Variants in UST observed in about 807,000 individuals in gnomAD.
UST encodes the protein uronyl 2-sulfotransferase.
Under a neutral mutation model 45.6 loss-of-function variants are expected in UST, and 21 were observed. The ratio of observed to expected loss-of-function variants is 0.46; its 90% CI spans 0.33 to 0.66. The LOEUF (loss-of-function observed/expected upper bound fraction) is 0.66. Among genes scored for constraint, UST ranks in the 30% least tolerant of loss-of-function variants. The pLI, the probability that UST is intolerant of heterozygous loss-of-function variation, is 0.02. For synonymous variants in UST, 215 were observed against 200.6 expected (o/e 1.07, Z -0.61); for missense variants, 463 against 512.4 (o/e 0.90, Z 0.93).
At chr6:149,046,289 T>G (rs575909967) in intron 7 of UST, among the ~76,000 whole-genome samples, 60 of 152,282 alleles carry the variant, frequency 3.9e-4, no homozygotes, top group African/African-American at 1.3e-3. Flanking sequence ...ACAATTAGTG[T>G]TATAAGTTGG....
chr6:148,914,936 C>T (rs1050011961), intron 2 of UST, among the ~76,000 whole-genome samples: 7 of 151,144 alleles, frequency 4.6e-5, no homozygotes, highest in Admixed American at 3.3e-4. Flanking sequence ...TCTCACAGTT[C>T]TGGAGGGTGG....
intron 1 of UST, among the ~76,000 whole-genome samples, chr6:148,822,585 T>C (rs1027983689): frequency 6.6e-6 from 1 of 152,194 alleles, no homozygotes; most frequent in African/African-American, 2.4e-5. Flanking sequence ...CCAAGCCCCA[T>C]GCATTGTCTC....
At chr6:148,990,051 C>A (rs1212417265) in intron 5 of UST, among the ~76,000 whole-genome samples, 1 of 152,142 alleles carries the variant, frequency 6.6e-6, no homozygotes, top group East Asian at 1.9e-4. Flanking sequence ...CTTTTGCTTC[C>A]TTTGTTCTTT....
chr6:148,981,775 T>C (rs898079703), intron 5 of UST, among the ~76,000 whole-genome samples: 14 of 152,250 alleles, frequency 9.2e-5, no homozygotes, highest in Non-Finnish European at 1.9e-4. Context: ...ATATCTGTAT[T>C]TCCTGTGCAA....
intron 2 of UST, among the ~76,000 whole-genome samples, chr6:148,911,332 A>T (rs560881239): frequency 1.1e-4 from 16 of 152,194 alleles, no homozygotes; most frequent in African/African-American, 3.9e-4. Flanking sequence ...CTCCCAGAAC[A>T]TTATCTGCGA....
intron 5 of UST, among the ~76,000 whole-genome samples, chr6:148,983,372 A>C (rs1008965507): frequency 1.3e-5 from 2 of 152,234 alleles, no homozygotes; most frequent in African/African-American, 2.4e-5. Context: ...GAATGAAAAC[A>C]ATCAGAAGCA....
intron 1 of UST, among the ~76,000 whole-genome samples, chr6:148,858,103 A>G (rs570749667): frequency 4.6e-5 from 7 of 152,314 alleles, no homozygotes; most frequent in Non-Finnish European, 8.8e-5. Context: ...GCACAGAACT[A>G]ATAGGCTAGA....
rs1360754205 is a variant in UST, at chr6:148,799,269, G to A, written c.247+51592G>A. Among the ~76,000 whole-genome samples, 4 of 152,196 alleles carry A rather than the reference G, an allele frequency of 2.6e-5. No individual in the cohort carries two copies. The South Asian group carries it at 8.3e-4, about 31-fold the overall frequency. On this transcript the variant is annotated intron_variant, in intron 1 of 7. Transcript: ENST00000367463. ...CAGGTTAAGGTAGTAATTTAGCGTG[G>A]TCGCACACTAGAAGACTTCTCTGAG...
At chr6:148,846,045 C>T (rs1777981181) in intron 1 of UST, among the ~76,000 whole-genome samples, 1 of 145,180 alleles carries the variant, frequency 6.9e-6, no homozygotes, top group Admixed American at 7.1e-5. Context: ...GTGGCGATTC[C>T]TCAGGGATCT....
intron 7 of UST, among the ~76,000 whole-genome samples, chr6:149,030,859 T>C (rs1435708493): frequency 2.6e-5 from 4 of 151,968 alleles, no homozygotes; most frequent in African/African-American, 9.7e-5. Flanking sequence ...GTCTTTCCAG[T>C]GGGGGTTGCG....
intron 3 of UST, among the ~76,000 whole-genome samples, chr6:148,943,865 A>G (rs1019558143): frequency 1.3e-5 from 2 of 152,214 alleles, no homozygotes; most frequent in African/African-American, 4.8e-5. Flanking sequence ...AAAAACAAAT[A>G]TATAATTTTA....
At chr6:149,046,063 A>C (rs1417079519) in intron 7 of UST, among the ~76,000 whole-genome samples, 1 of 152,258 alleles carries the variant, frequency 6.6e-6, no homozygotes, top group Non-Finnish European at 1.5e-5. Flanking sequence ...AGTATTCAAT[A>C]GAAAATTGGA....
chr6:148,891,679 A>G lies in UST; in HGVS notation c.291+4650A>G, dbSNP rs190963351. On this transcript the variant is annotated intron_variant, in intron 2 of 7. Coordinates refer to ENST00000367463, the MANE Select transcript of UST (RefSeq NM_005715.3). The stretch of plus-strand genomic sequence containing the variant: ...AATTACTAATTTAAGTAGAAATACA[A>G]TAATTTTCTACCTTATTTCTAAATT... Among the ~76,000 whole-genome samples, 7 of 152,368 alleles carry G rather than the reference A, an allele frequency of 4.6e-5. No homozygotes were observed. The East Asian group carries it at 1.2e-3, about 25-fold the overall frequency.
chr6:148,859,455 C>G (rs767825351), intron 1 of UST, among the ~76,000 whole-genome samples: 151 of 152,162 alleles, frequency 9.9e-4, no homozygotes, highest in Non-Finnish European at 2.0e-3. Context: ...CCTGTTCACT[C>G]TGATGGTAGT....
intron 5 of UST, among the ~76,000 whole-genome samples, chr6:148,996,610 C>A (rs1781456780): frequency 6.6e-6 from 1 of 152,204 alleles, no homozygotes; most frequent in African/African-American, 2.4e-5. Flanking sequence ...TCTACATTTA[C>A]CCTGTGGAAT....
At position 149,026,166 on chromosome 6, in the gene UST, A is replaced by AAAC. The variant is rs762937458; in HGVS notation, c.937+4685_937+4686insAAC. 1.0e-4 allele frequency among the ~76,000 whole-genome samples: 15 copies of AAAC among 144,024 alleles called. 1 individual carries two copies. The highest frequency in any genetic ancestry group is 2.2e-4 in the South Asian group (1 of 4,552). The allele number at this position is 144,024 out of a possible 152,430, so 94.5% of individuals were successfully genotyped here. On this transcript the variant is annotated intron_variant, in intron 7 of 7. Transcript: ENST00000367463. Reference sequence around the variant, plus strand: ...CCATCTAAAAAAAAAAAAAAAAAAAACAGGCCTGATGGCATGTGCCTGTGG... The same window carrying AAAC: ...CCATCTAAAAAAAAAAAAAAAAAAAAAACCAGGCCTGATGGCATGTGCCTGTGG...
intron 1 of UST, among the ~76,000 whole-genome samples, chr6:148,760,685 A>G (rs1776199315): frequency 6.6e-6 from 1 of 152,108 alleles, no homozygotes; most frequent in African/African-American, 2.4e-5. Context: ...AAAGCTCAAC[A>G]GTAACACCCC....
At chr6:148,972,240 G>A (rs1489103704) in intron 5 of UST, among the ~76,000 whole-genome samples, 1 of 152,228 alleles carries the variant, frequency 6.6e-6, no homozygotes, top group Non-Finnish European at 1.5e-5. Flanking sequence ...ATCAGCAAGA[G>A]TTGGGGTTGT....
At chr6:149,002,571 A>G (rs920873293) in intron 5 of UST, among the ~76,000 whole-genome samples, 1 of 152,092 alleles carries the variant, frequency 6.6e-6, no homozygotes, top group African/African-American at 2.4e-5. Context: ...CAGTGGCGCA[A>G]TCTCAGCTCA....
Sources: gnomAD v4.1 joint callset for allele counts (sites outside exome capture counted in the v4.1 genomes callset) on GRCh38, gnomAD v4.1.1 for gene constraint, MANE v1.5 for transcripts, NCBI Gene and HGNC (gene_info 2026-07-23, HGNC 2026-07-21) for gene names.